Variants in BICDL2 observed in about 807,000 individuals in gnomAD.
The protein encoded by BICDL2 is BICD family-like cargo adapter 2.
A neutral mutation model predicts 56.6 loss-of-function variants in BICDL2; 62 were observed. The observed-to-expected ratio is 1.10, with a 90% CI of 0.89 to 1.35. BICDL2 has a LOEUF of 1.35. Ranked by LOEUF, BICDL2 falls within the 40% of genes most tolerant of loss-of-function variation. The probability of loss-of-function intolerance (pLI) is 0.00; values close to 1 mark genes in which losing one functional copy is unlikely to be tolerated. For missense variants in BICDL2, 808 were observed against 684.5 expected, an observed-to-expected ratio of 1.18 and a Z score of -2.01; for synonymous variants, 358 against 319.8, an observed-to-expected ratio of 1.12 and a Z score of -1.27.
In BICDL2 at chr16:3,028,414, C is replaced by CA; in HGVS notation, c.1292dup (p.Ser432ValfsTer72). 1 of 1,557,876 alleles carries CA rather than the reference C, an allele frequency of 6.4e-7. No homozygotes were observed. ...GGATGGCGCGCAGCAGCTCCCGAGA[C>CA]AGGGAGTCTCGCTCCAGCGAGACGC... On this transcript the variant is annotated frameshift_variant, in exon 9 of 10. Coordinates refer to ENST00000572449, the MANE Select transcript of BICDL2 (RefSeq NM_001369667.1). LOFTEE classifies it high-confidence loss of function.
At position 3,028,209 on chromosome 16, in the gene BICDL2, G is replaced by C; in HGVS notation, c.1424C>G (p.Ser475Cys). The C allele has an allele frequency of 6.8e-7, 1 of 1,470,548 alleles. No individual in the cohort carries two copies. The highest frequency in any genetic ancestry group is 1.5e-5 in the African/African-American group (1 of 67,520). 91.1% of individuals were successfully genotyped at this position (1,470,548 alleles called of 1,614,324 possible). ...RSQRQKELSA[S>C]ASSSTPRRAA... ...ACGGCGCGGGGTCGACGACGACGCG[G>C]AGGCGCTCAGCTCCTTCTGGCGCTG... is the stretch of plus-strand genomic sequence containing the variant. Residue 475 changes from serine to cysteine, a missense_variant, in exon 10 of 10, where the codon TCC (serine) becomes TGC (cysteine). Physicochemically the swap from Ser to Cys is moderately radical, Grantham distance 112 (BLOSUM62 -1). Transcript: ENST00000572449.
Position 3,029,267 on chromosome 16 carries a change from C to T in BICDL2, c.1107+13G>A. ...GAGGGGCCGTGCATCCAGCACCGTGCCCTCTGCCCCACCTCATCTTGCAGC... is the reference window on the plus strand; with the variant it reads ...GAGGGGCCGTGCATCCAGCACCGTGTCCTCTGCCCCACCTCATCTTGCAGC... On this transcript the variant is annotated intron_variant, in intron 7 of 9. Transcript: ENST00000572449. 6.2e-7 allele frequency: 1 copy of T among 1,608,010 alleles called. No homozygotes were observed. The highest frequency in any genetic ancestry group is 8.5e-7 in the Non-Finnish European group (1 of 1,178,084).
In BICDL2 at chr16:3,028,414, C is replaced by G. The variant is rs1378342273; in HGVS notation, c.1293G>C (p.Leu431=). ...LNRVSLERDS[L]SRELLRAIRQ... is the part of the protein sequence containing the mutation. ...GGATGGCGCGCAGCAGCTCCCGAGA[C>G]AGGGAGTCTCGCTCCAGCGAGACGC... The change falls in exon 9 of 10, where the codon CTG becomes CTC. Residue 431 remains leucine (L), a synonymous_variant. Coordinates refer to ENST00000572449, the MANE Select transcript of BICDL2 (RefSeq NM_001369667.1). 1.9e-6 allele frequency: 3 copies of G among 1,557,876 alleles called. No individual in the cohort carries two copies. Among genetic ancestry groups the G allele is most frequent in the Non-Finnish European group, 2.6e-6 (3 of 1,160,428 alleles).
chr16:3,030,556 G>A lies in BICDL2; in HGVS notation c.655C>T (p.Gln219Ter). ...ACCTCCTCACGCAGGCCTCGGATCTGGGCCTCCAGGTCCTGCCGGCGGCTC... is the reference window on the plus strand; with the variant it reads ...ACCTCCTCACGCAGGCCTCGGATCTAGGCCTCCAGGTCCTGCCGGCGGCTC... ...LQSRRQDLEA[Q>*]IRGLREEVEK... Residue 219 changes from glutamine to a stop codon, truncating the protein, a stop_gained, in exon 5 of 10, where the codon CAG becomes TAG. Coordinates refer to ENST00000572449, the MANE Select transcript of BICDL2 (RefSeq NM_001369667.1). LOFTEE classifies it high-confidence loss of function. 6.3e-7 allele frequency: 1 copy of A among 1,598,162 alleles called. No homozygotes were observed. Among genetic ancestry groups the A allele is most frequent in the Non-Finnish European group, 8.5e-7 (1 of 1,176,452 alleles).
At position 3,031,801 on chromosome 16, in the gene BICDL2, A is replaced by G. The variant is rs1048481115; in HGVS notation, c.283-651T>C. ...CGCAGGTACCCTGCATTAGGGCTCT[A>G]TCTGCATTGCTTCATTTCATCCACT... On this transcript the variant is annotated intron_variant, in intron 2 of 9. Transcript: ENST00000572449. The G allele has an allele frequency of 3.4e-4, 120 of 354,790 alleles. 1 individual carries two copies. The East Asian group carries it at 3.4e-3, about 10-fold the overall frequency. 22.0% of individuals were successfully genotyped at this position (354,790 alleles called of 1,614,324 possible).
intron 2 of BICDL2, 39 bp downstream of exon 2, chr16:3,035,176 T>TTGGGGGGGG: frequency 2.2e-5 from 3 of 136,274 alleles, no homozygotes; most frequent in East Asian, 1.4e-4. Flanking sequence ...CGTCCTCCCC[T>TTGGGGGGGG]GCCCACCCAC....
At chr16:3,035,037 G>A in intron 2 of BICDL2, 178 bp downstream of exon 2, 3 of 633,440 alleles carry the variant, frequency 4.7e-6, no homozygotes, top group Non-Finnish European at 8.1e-6. Context: ...TTGCCACTGG[G>A]CAACACTGCC....
chr16:3,029,519 A>C, intron 6 of BICDL2, 26 bp downstream of exon 6: 1 of 1,562,078 alleles, frequency 6.4e-7, no homozygotes, highest in Non-Finnish European at 8.6e-7. Flanking sequence ...GGCACAGGTA[A>C]GGGGGCTGGG....
In BICDL2 at chr16:3,035,573, C is replaced by G. The variant is rs58816873; in HGVS notation, c.-30-47G>C. On this transcript the variant is annotated intron_variant, in intron 1 of 9. Transcript: ENST00000572449. ...AGCCTGACAGGGGCTCACCCTCCGC[C>G]CAGCACCTGGCCCTCCAGGAATTCT... 0.014 allele frequency: 21,253 copies of G among 1,484,366 alleles called. 849 individuals carry two copies. The African/African-American group carries it at 0.15, about 10-fold the overall frequency. The allele number at this position is 1,484,366 out of a possible 1,614,324, so 91.9% of individuals were successfully genotyped here.
In BICDL2 at chr16:3,029,574, G is replaced by C; in HGVS notation, c.928C>G (p.Gln310Glu). 1 of 1,545,842 alleles carries C rather than the reference G, an allele frequency of 6.5e-7. No homozygotes were observed. Among genetic ancestry groups the C allele is most frequent in the South Asian group, 1.2e-5 (1 of 84,714 alleles). The part of the protein sequence containing the change: ...AHSLDDGDQG[Q>E]GADAPGDTPT... Reference sequence around the variant, plus strand: ...GTGTCTCCGGGTGCGTCGGCGCCCTGGCCCTGGTCGCCGTCGTCGAGGCTG... The same window carrying C: ...GTGTCTCCGGGTGCGTCGGCGCCCTCGCCCTGGTCGCCGTCGTCGAGGCTG... Residue 310 changes from glutamine to glutamate, a missense_variant, in exon 6 of 10, where the codon CAG becomes GAG. Coordinates refer to ENST00000572449, the MANE Select transcript of BICDL2 (RefSeq NM_001369667.1).
chr16:3,029,636 T>G lies in BICDL2; in HGVS notation c.866A>C (p.Asp289Ala), dbSNP rs1418433068. 1 of 1,535,600 alleles carries G rather than the reference T, an allele frequency of 6.5e-7. No homozygotes were observed. Among genetic ancestry groups the G allele is most frequent in the Non-Finnish European group, 8.7e-7 (1 of 1,145,402 alleles). ...LEEESRLQDA[D>A]VSAASLQSEL... ...TGACTGCAACGAGGCAGCCGACACGTCGGCGTCCTGGAGGCGTGACTCCTC... is the reference window on the plus strand; with the variant it reads ...TGACTGCAACGAGGCAGCCGACACGGCGGCGTCCTGGAGGCGTGACTCCTC... The change falls in exon 6 of 10, where the codon GAC becomes GCC. Residue 289 changes from aspartate to alanine, a missense_variant. Coordinates refer to ENST00000572449, the MANE Select transcript of BICDL2 (RefSeq NM_001369667.1).
In BICDL2 at chr16:3,028,928, C is replaced by T; in HGVS notation, c.1108-98G>A. The T allele has an allele frequency of 6.3e-6, 9 of 1,426,056 alleles. No individual in the cohort carries two copies. In the South Asian group the frequency reaches 1.2e-4, roughly 20 times the overall value. 88.3% of individuals were successfully genotyped at this position (1,426,056 alleles called of 1,614,324 possible). ...TCTGGCTCTCCCCACCCCTCCTCTG[C>T]CTGCGACAGACACCCCAGGCAGCCG... On this transcript the variant is annotated intron_variant, in intron 7 of 9. Transcript: ENST00000572449.
intron 5 of BICDL2, 39 bp from the exon 6 acceptor site, chr16:3,029,778 C>T: frequency 2.1e-6 from 3 of 1,441,960 alleles, no homozygotes; most frequent in Non-Finnish European, 2.7e-6. Flanking sequence ...GGGCGGTCAG[C>T]GGGACGCACG....
chr16:3,036,252 G>A (rs191651936), intron 1 of BICDL2: 1 of 455,132 alleles, frequency 2.2e-6, no homozygotes, highest in Admixed American at 2.4e-5. Context: ...CTGGCGTGGG[G>A]CCCAGGACAG....
Position 3,028,138 on chromosome 16 carries a change from C to A in BICDL2, c.1495G>T (p.Gly499Cys). ...SLRLGPGPAG[G>C]FLSNLFRRT The stretch of plus-strand genomic sequence containing the variant: ...CTTCGGAAGAGGTTACTGAGAAAGC[C>A]ACCGGCGGGCCCGGGGCCCAGGCGC... Residue 499 changes from glycine (G) to cysteine (C), a missense_variant, in exon 10 of 10, where the codon GGC becomes TGC. By Grantham distance (159) the Gly-to-Cys change is radical. Coordinates refer to ENST00000572449, the MANE Select transcript of BICDL2 (RefSeq NM_001369667.1). The A allele has an allele frequency of 6.9e-7, 1 of 1,441,164 alleles. No individual in the cohort carries two copies. The highest frequency in any genetic ancestry group is 9.1e-7 in the Non-Finnish European group (1 of 1,104,644). The allele number at this position is 1,441,164 out of a possible 1,614,324, so 89.3% of individuals were successfully genotyped here. A position where few individuals can be genotyped will look rare whatever the true frequency, so the allele number is the denominator to read the frequency against.
chr16:3,035,176 T>TTGGCCGGGGGGGGGGGGGGGGG, intron 2 of BICDL2, 39 bp downstream of exon 2: 6 of 136,274 alleles, frequency 4.4e-5, no homozygotes, highest in Middle Eastern at 2.6e-3. Context: ...CGTCCTCCCC[T>TTGGCCGGGGGGGGGGGGGGGGG]GCCCACCCAC....
intron 5 of BICDL2, 64 bp from the exon 6 acceptor site, chr16:3,029,803 C>T (rs1955627113): frequency 1.5e-6 from 2 of 1,371,136 alleles, no homozygotes; most frequent in South Asian, 1.4e-5. Context: ...GCCGACATCC[C>T]GCGGCAGGTC....
At chr16:3,033,482 T>C (rs1367847223) in intron 2 of BICDL2, among the ~76,000 whole-genome samples, 1 of 151,696 alleles carries the variant, frequency 6.6e-6, no homozygotes, top group Non-Finnish European at 1.5e-5. Flanking sequence ...GGGGAATTTG[T>C]TCACTCAAGA....
At chr16:3,035,981 C>T (rs960704906) in intron 1 of BICDL2, 1 of 312,562 alleles carries the variant, frequency 3.2e-6, no homozygotes, top group African/African-American at 2.2e-5. Flanking sequence ...GAGGTATCTT[C>T]GCCCCCAGGA....
Sources: gnomAD v4.1 joint callset for allele counts (sites outside exome capture counted in the v4.1 genomes callset) on GRCh38, gnomAD v4.1.1 for gene constraint, MANE v1.5 for transcripts, NCBI Gene and HGNC (gene_info 2026-07-23, HGNC 2026-07-21) for gene names.